KIFAP3: variants seen among roughly 807,000 people sequenced by gnomAD.
The protein encoded by KIFAP3 is kinesin-associated protein 3.
Under a neutral mutation model 106.5 loss-of-function variants are expected in KIFAP3, and 68 were observed. That is an observed-to-expected ratio of 0.64 (90% CI 0.53 to 0.78). The LOEUF is 0.78. Ranked by LOEUF, KIFAP3 falls within the 30% of genes least tolerant of loss-of-function variation. The probability of loss-of-function intolerance (pLI) is 0.00; values close to 1 mark genes in which losing one functional copy is unlikely to be tolerated. For synonymous variants in KIFAP3, 320 were observed against 311.5 expected, an observed-to-expected ratio of 1.03 and a Z score of -0.29; for missense variants, 780 against 941.8, an observed-to-expected ratio of 0.83 and a Z score of 2.25.
intron 19 of KIFAP3, among the ~76,000 whole-genome samples, chr1:169,945,034 G>A (rs1208884121): frequency 6.6e-6 from 1 of 152,090 alleles, no homozygotes; most frequent in Admixed American, 6.5e-5. Context: ...CCATCAACAT[G>A]CCATCCAGGG....
In KIFAP3 at chr1:170,022,800, AT is replaced by A. The variant is rs552466375; in HGVS notation, c.1020+1617del. On this transcript the variant is annotated intron_variant, in intron 9 of 19. Coordinates refer to ENST00000361580, the MANE Select transcript of KIFAP3 (RefSeq NM_014970.4). ...ATAAAAAATGAGGTTTAATGAGATA[AT>A]TTATATCATATATTCCAATTCTATG... 3.2e-3 allele frequency among the ~76,000 whole-genome samples: 487 copies of A among 152,308 alleles called. 1 individual carries two copies. Among genetic ancestry groups the A allele is most frequent in the South Asian group, 0.016 (75 of 4,824 alleles).
rs1665976850 is a variant in KIFAP3 at position 169,972,589 on chromosome 1, G to C, written c.1907C>G (p.Ala636Gly). The change falls in exon 17 of 20, where the codon GCA becomes GGA. Residue 636 changes from alanine to glycine, a missense_variant. Coordinates refer to ENST00000361580, the MANE Select transcript of KIFAP3 (RefSeq NM_014970.4). ...ATCATGCATTAGGTCTATGAGATATGCTGGAGCCTCTGAATAAAAATGGTT... is the reference window on the plus strand; with the variant it reads ...ATCATGCATTAGGTCTATGAGATATCCTGGAGCCTCTGAATAAAAATGGTT... ...DVIIKETQAP[A>G]YLIDLMHDKN... The C allele has an allele frequency of 6.4e-7, 1 of 1,552,542 alleles. No individual in the cohort carries two copies. The highest frequency in any genetic ancestry group is 8.8e-7 in the Non-Finnish European group (1 of 1,133,620).
chr1:170,076,451 A>G (rs894607812), upstream of KIFAP3, among the ~76,000 whole-genome samples: 1 of 152,188 alleles, frequency 6.6e-6, no homozygotes, highest in Non-Finnish European at 1.5e-5. Flanking sequence ...AATTTGAGGC[A>G]ATTTGGGAAT....
intron 7 of KIFAP3, 113 bp from the exon 8 acceptor site, chr1:170,032,097 T>A: frequency 3.1e-6 from 2 of 640,120 alleles, no homozygotes; most frequent in South Asian, 4.1e-5. Context: ...CCAGTTATTT[T>A]TCTCACCAAA....
At chr1:170,076,425 A>G (rs1427564038), upstream of KIFAP3, among the ~76,000 whole-genome samples, 1 of 152,226 alleles carries the variant, frequency 6.6e-6, no homozygotes, top group Non-Finnish European at 1.5e-5. Context: ...AAGATTATGT[A>G]AAAAGGACAC....
chr1:170,053,659 G>A (rs1670691622), intron 2 of KIFAP3, among the ~76,000 whole-genome samples: 1 of 152,014 alleles, frequency 6.6e-6, no homozygotes, highest in Non-Finnish European at 1.5e-5. Flanking sequence ...AAGACCAATG[G>A]AACAGAACAG....
At chr1:170,070,153 T>C (rs1671635114) in intron 1 of KIFAP3, among the ~76,000 whole-genome samples, 1 of 152,024 alleles carries the variant, frequency 6.6e-6, no homozygotes, top group African/African-American at 2.4e-5. Flanking sequence ...TGAAAGAAAT[T>C]AATATGAACT....
chr1:170,081,663 T>C (rs914283169), intron 1 of KIFAP3, among the ~76,000 whole-genome samples: 2 of 152,230 alleles, frequency 1.3e-5, no homozygotes, highest in African/African-American at 2.4e-5. Context: ...TCTTCTCTTA[T>C]CACATCTCTC....
At position 169,992,312 on chromosome 1, in the gene KIFAP3, A is replaced by G. The variant is rs1048139310; in HGVS notation, c.1184-57T>C. On this transcript the variant is annotated intron_variant, in intron 10 of 19. Transcript: ENST00000361580. Reference sequence around the variant, plus strand: ...TAAATATATATTTTTTATATAGCACACTCATGTTAATGTACTACAACTTAA... The same window carrying G: ...TAAATATATATTTTTTATATAGCACGCTCATGTTAATGTACTACAACTTAA... 4.9e-6 allele frequency: 4 copies of G among 811,642 alleles called. No individual in the cohort carries two copies. In the South Asian group the frequency reaches 7.2e-5, roughly 15 times the overall value. The allele number at this position is 811,642 out of a possible 1,614,324, so 50.3% of individuals were successfully genotyped here.
At chr1:169,972,473 G>T in intron 17 of KIFAP3, 40 bp downstream of exon 17, 2 of 960,698 alleles carry the variant, frequency 2.1e-6, no homozygotes, top group Non-Finnish European at 3.3e-6. Flanking sequence ...CCCCCAAGAT[G>T]AAGTCAATTA....
At chr1:170,058,644 T>A (rs1397488967) in intron 1 of KIFAP3, among the ~76,000 whole-genome samples, 2 of 151,326 alleles carry the variant, frequency 1.3e-5, no homozygotes, top group African/African-American at 4.8e-5. Context: ...AAATCCTCCA[T>A]CCCAGCTTGT....
intron 10 of KIFAP3, among the ~76,000 whole-genome samples, chr1:169,994,394 A>G (rs575502501): frequency 7.2e-5 from 11 of 152,304 alleles, no homozygotes; most frequent in Admixed American, 3.3e-4. Context: ...GTAAGACATT[A>G]TCAGGTATAA....
intron 19 of KIFAP3, among the ~76,000 whole-genome samples, chr1:169,922,719 G>C (rs1662893234): frequency 6.6e-6 from 1 of 152,196 alleles, no homozygotes; most frequent in Non-Finnish European, 1.5e-5. Flanking sequence ...TAGTGAGCTT[G>C]ACTTCCAATC....
intron 10 of KIFAP3, among the ~76,000 whole-genome samples, chr1:170,011,328 A>G (rs1179050609): frequency 6.6e-6 from 1 of 151,984 alleles, no homozygotes; most frequent in East Asian, 1.9e-4. Flanking sequence ...CTAGTTCACT[A>G]TCTTTCATCA....
At chr1:170,070,733 G>C (rs144093296) in intron 1 of KIFAP3, among the ~76,000 whole-genome samples, 108 of 152,242 alleles carry the variant, frequency 7.1e-4, no homozygotes, top group African/African-American at 2.4e-3. Flanking sequence ...AAAACAGAGG[G>C]ACAAACCTTC....
Position 170,024,506 on chromosome 1 carries a change from G to T in KIFAP3, c.932C>A (p.Ala311Asp). The T allele has an allele frequency of 1.2e-6, 2 of 1,606,362 alleles. No individual in the cohort carries two copies. The highest frequency in any genetic ancestry group is 1.7e-6 in the Non-Finnish European group (2 of 1,175,544). Residue 311 changes from alanine (A) to aspartate (D), a missense_variant, in exon 9 of 20, where the codon GCC (alanine) becomes GAC (aspartate). Transcript: ENST00000361580. ...NKNIVHMLVK[A>D]LDRDNFELLI... ...CAGCTCAAAATTGTCCCGATCAAGG[G>T]CTTTCACCAACATGTGAACTATGTT...
intron 3 of KIFAP3, among the ~76,000 whole-genome samples, chr1:170,045,484 G>A (rs1670194845): frequency 6.6e-6 from 1 of 152,040 alleles, no homozygotes; most frequent in South Asian, 2.1e-4. Context: ...GAATATTCTT[G>A]CCATACTTTA....
At chr1:170,072,661 C>T (rs1194745899) in intron 1 of KIFAP3, among the ~76,000 whole-genome samples, 1 of 152,100 alleles carries the variant, frequency 6.6e-6, no homozygotes, top group East Asian at 1.9e-4. Flanking sequence ...CTGCTATCTG[C>T]TGTCTTGTTA....
chr1:169,994,263 C>T (rs1251470618), intron 10 of KIFAP3, among the ~76,000 whole-genome samples: 1 of 152,146 alleles, frequency 6.6e-6, no homozygotes, highest in African/African-American at 2.4e-5. Flanking sequence ...AACCACAGGT[C>T]TCTCTGATTC....
Sources: gnomAD v4.1 joint callset for allele counts (sites outside exome capture counted in the v4.1 genomes callset) on GRCh38, gnomAD v4.1.1 for gene constraint, MANE v1.5 for transcripts, NCBI Gene and HGNC (gene_info 2026-07-23, HGNC 2026-07-21) for gene names.